PALMD: variants seen among roughly 807,000 people sequenced by gnomAD.
PALMD encodes the protein palmdelphin.
Under a neutral mutation model 56.2 loss-of-function variants are expected in PALMD, and 42 were observed. The ratio of observed to expected loss-of-function variants is 0.75; its 90% confidence interval spans 0.58 to 0.97. The LOEUF (loss-of-function observed/expected upper bound fraction) is 0.97, where lower values mean the gene tolerates loss of function less well. PALMD is among the 50% of genes least tolerant of loss of function. The pLI is 0.00. For missense variants in PALMD, 660 were observed against 643.8 expected (o/e 1.03, Z -0.27); for synonymous variants, 242 against 222.9 (o/e 1.09, Z -0.76).
intron 3 of PALMD, among the ~76,000 whole-genome samples, chr1:99,673,282 A>C (rs922044892): frequency 1.3e-5 from 2 of 152,194 alleles, no homozygotes; most frequent in Admixed American, 6.5e-5. Context: ...TTTCCATCCA[A>C]GTTTAACCCC....
chr1:99,646,761 A>G (rs747658455), intron 1 of PALMD, among the ~76,000 whole-genome samples: 1 of 152,246 alleles, frequency 6.6e-6, no homozygotes, highest in Non-Finnish European at 1.5e-5. Context: ...TCAAAAAGTT[A>G]GAATTTTTTT....
chr1:99,659,427 G>A (rs778412526), intron 1 of PALMD, among the ~76,000 whole-genome samples: 2 of 152,138 alleles, frequency 1.3e-5, no homozygotes, highest in African/African-American at 2.4e-5. Context: ...GCAACAATAT[G>A]TTATTCATAA....
At chr1:99,682,429 A>C (rs1469928539) in intron 3 of PALMD, among the ~76,000 whole-genome samples, 1 of 152,194 alleles carries the variant, frequency 6.6e-6, no homozygotes, top group Non-Finnish European at 1.5e-5. Context: ...GTGAGACCAC[A>C]GCGACTTATT....
chr1:99,660,458 A>G (rs1004167465), intron 1 of PALMD, among the ~76,000 whole-genome samples: 5 of 152,224 alleles, frequency 3.3e-5, no homozygotes, highest in Admixed American at 1.3e-4. Flanking sequence ...ATTGTGCCTG[A>G]AAAATATTGC....
intron 3 of PALMD, chr1:99,685,942 G>C (rs892414500): frequency 6.6e-6 from 1 of 152,190 alleles, no homozygotes; most frequent in African/African-American, 2.4e-5. Context: ...CAAGATACCA[G>C]CTCAGAATGC....
intron 3 of PALMD, among the ~76,000 whole-genome samples, chr1:99,676,090 T>C (rs1653206569): frequency 6.6e-6 from 1 of 152,170 alleles, no homozygotes; most frequent in Non-Finnish European, 1.5e-5. Flanking sequence ...ACTGCTGCAT[T>C]GTATTGTTTG....
intron 3 of PALMD, chr1:99,683,988 A>T (rs1372626682): frequency 2.6e-5 from 4 of 152,208 alleles, no homozygotes; most frequent in Non-Finnish European, 5.9e-5. Context: ...CACTGTGTGA[A>T]ATAGTGCCCC....
intron 1 of PALMD, among the ~76,000 whole-genome samples, chr1:99,650,285 GAA>G (rs200081370): frequency 9.4e-5 from 11 of 116,972 alleles, no homozygotes; most frequent in African/African-American, 3.3e-4. Context: ...TGCTCATAAT[GAA>G]AAAAAAAAAA....
chr1:99,680,910 C>T (rs1202213964), intron 3 of PALMD, among the ~76,000 whole-genome samples: 1 of 151,748 alleles, frequency 6.6e-6, no homozygotes. Context: ...CATTTATGTG[C>T]TGTCCTTTTT....
intron 2 of PALMD, among the ~76,000 whole-genome samples, chr1:99,666,699 A>T (rs1429937377): frequency 6.6e-6 from 1 of 152,194 alleles, no homozygotes; most frequent in African/African-American, 2.4e-5. Flanking sequence ...GAGCCCTTTT[A>T]TTCCAGGAGA....
intron 3 of PALMD, among the ~76,000 whole-genome samples, chr1:99,681,436 G>T (rs1177187061): frequency 6.6e-6 from 1 of 152,016 alleles, no homozygotes; most frequent in Non-Finnish European, 1.5e-5. Flanking sequence ...CATTGTTTAA[G>T]CTTTAAATCA....
intron 1 of PALMD, among the ~76,000 whole-genome samples, chr1:99,651,193 C>T (rs760714955): frequency 8.5e-5 from 13 of 152,192 alleles, no homozygotes; most frequent in Non-Finnish European, 1.0e-4. Flanking sequence ...CATGTTTCTT[C>T]CAGAGAGGGA....
chr1:99,667,881 T>TA, intron 3 of PALMD, 115 bp downstream of exon 3: 7 of 1,038,330 alleles, frequency 6.7e-6, no homozygotes, highest in East Asian at 2.5e-5. Context: ...CATTTGAATT[T>TA]CTTTTTTTTT....
At chr1:99,654,520 T>G (rs61545690) in intron 1 of PALMD, among the ~76,000 whole-genome samples, 3,770 of 152,162 alleles carry the variant, frequency 0.025, 172 homozygotes, top group African/African-American at 0.085. Context: ...AAGTGCAGTT[T>G]TAAAACAGAA....
At chr1:99,670,255 T>C (rs1164539097) in intron 3 of PALMD, among the ~76,000 whole-genome samples, 1 of 152,194 alleles carries the variant, frequency 6.6e-6, no homozygotes, top group Non-Finnish European at 1.5e-5. Flanking sequence ...TGATGCTAAA[T>C]CCATCAATAC....
intron 3 of PALMD, among the ~76,000 whole-genome samples, chr1:99,682,924 C>T (rs1279927279): frequency 6.6e-6 from 1 of 150,882 alleles, no homozygotes; most frequent in African/African-American, 2.4e-5. Context: ...GAGAATCGCT[C>T]GAACCTGGGA....
In PALMD at chr1:99,646,357, A is replaced by G. The variant is rs773688644; in HGVS notation, c.40A>G (p.Ile14Val). ...GCTGGTGAAGGGAAGACTCCAGGCC[A>G]TCACAGTAAGTCTGCATACAGTTAT... ...AELVKGRLQA[I>V]TDKRKIQEEI... Residue 14 changes from isoleucine to valine, a missense_variant, in exon 1 of 8, where the codon ATC (isoleucine) becomes GTC (valine). Ile to Val is a conservative substitution (Grantham distance 29). Coordinates refer to ENST00000263174, the MANE Select transcript of PALMD (RefSeq NM_017734.5). 18 of 1,611,708 alleles carry G rather than the reference A, an allele frequency of 1.1e-5. No individual in the cohort carries two copies. The highest frequency in any genetic ancestry group is 1.5e-5 in the Non-Finnish European group (18 of 1,177,860).
chr1:99,646,507 C>T, intron 1 of PALMD, 145 bp downstream of exon 1: 1 of 660,922 alleles, frequency 1.5e-6, no homozygotes, highest in Non-Finnish European at 2.7e-6. Flanking sequence ...CTCTCTTAAC[C>T]CTCATGACCC....
intron 3 of PALMD, among the ~76,000 whole-genome samples, chr1:99,670,691 G>A (rs1218618143): frequency 2.6e-5 from 4 of 152,074 alleles, no homozygotes; most frequent in Non-Finnish European, 5.9e-5. Context: ...GTTTTCTTGT[G>A]ACCTATAGAG....
Sources: gnomAD v4.1 joint callset for allele counts (sites outside exome capture counted in the v4.1 genomes callset) on GRCh38, gnomAD v4.1.1 for gene constraint, MANE v1.5 for transcripts, NCBI Gene and HGNC (gene_info 2026-07-23, HGNC 2026-07-21) for gene names.